Variants in SIAH3 observed in about 807,000 individuals in gnomAD.
SIAH3 encodes siah E3 ubiquitin protein ligase family member 3.
In SIAH3, 9 loss-of-function variants were observed where a neutral mutation model predicts 12.6. The observed-to-expected ratio is 0.72, with a 90% confidence interval of 0.43 to 1.25. SIAH3 has a LOEUF of 1.25. SIAH3 is among the 50% of genes most tolerant of loss of function. SIAH3 has a pLI of 0.00. For missense variants in SIAH3, 390 were observed against 365.4 expected (o/e 1.07, Z -0.55); for synonymous variants, 154 against 151.1 (o/e 1.02, Z -0.14).
chr13:45,787,159 T>A (rs933448085), intron 1 of SIAH3, among the ~76,000 whole-genome samples: 1 of 151,918 alleles, frequency 6.6e-6, no homozygotes, highest in African/African-American at 2.4e-5. Context: ...TGGTGCTAGG[T>A]CAGGTGGATG....
In SIAH3 at chr13:45,783,103, T is replaced by C; in HGVS notation, c.*280A>G. The C allele has an allele frequency of 4.6e-6, 1 of 215,140 alleles. No homozygotes were observed. The highest frequency in any genetic ancestry group is 9.1e-6 in the Non-Finnish European group (1 of 110,238). The allele number at this position is 215,140 out of a possible 1,614,324, so 13.3% of individuals were successfully genotyped here. On this transcript the variant is annotated 3_prime_UTR_variant, in exon 2 of 2. Transcript: ENST00000400405. ...ACTTGGAGGTGACAGGAAAAAACTA[T>C]TCTGAATAAATCTTACAAACATTCT...
chr13:45,823,296 T>A (rs752654701), intron 1 of SIAH3, among the ~76,000 whole-genome samples: 23 of 152,000 alleles, frequency 1.5e-4, no homozygotes, highest in Non-Finnish European at 2.8e-4. Flanking sequence ...ACAGCTGGAG[T>A]TCTGTAAAAG....
intron 1 of SIAH3, among the ~76,000 whole-genome samples, chr13:45,830,124 G>A (rs532540673): frequency 8.1e-4 from 123 of 152,146 alleles, no homozygotes; most frequent in African/African-American, 2.7e-3. Flanking sequence ...TAGAGGGCTC[G>A]GACTCCTTGG....
At chr13:45,816,950 C>A (rs1950636780) in intron 1 of SIAH3, among the ~76,000 whole-genome samples, 1 of 152,130 alleles carries the variant, frequency 6.6e-6, no homozygotes, top group African/African-American at 2.4e-5. Context: ...GGAATTTGCA[C>A]CAGGCAATGG....
chr13:45,808,191 A>C (rs778546570), intron 1 of SIAH3, among the ~76,000 whole-genome samples: 2 of 152,238 alleles, frequency 1.3e-5, no homozygotes, highest in East Asian at 3.8e-4. Context: ...TCTAGAGTAG[A>C]CTGAAGAAAG....
intron 1 of SIAH3, among the ~76,000 whole-genome samples, chr13:45,789,565 C>T (rs574961146): frequency 2.0e-5 from 3 of 152,058 alleles, no homozygotes; most frequent in Non-Finnish European, 4.4e-5. Context: ...TGCTACCATA[C>T]CTGGCTAATT....
chr13:45,809,870 A>G (rs1242745631), intron 1 of SIAH3, among the ~76,000 whole-genome samples: 3 of 152,238 alleles, frequency 2.0e-5, no homozygotes, highest in African/African-American at 7.2e-5. Context: ...ATGTTGTTTC[A>G]AGAATAATGT....
chr13:45,846,368 G>A (rs992469156), intron 1 of SIAH3, among the ~76,000 whole-genome samples: 1 of 152,040 alleles, frequency 6.6e-6, no homozygotes, highest in Admixed American at 6.5e-5. Context: ...GGGATTACAG[G>A]CGTGAGCCAC....
At chr13:45,809,251 C>T (rs1375228246) in intron 1 of SIAH3, among the ~76,000 whole-genome samples, 1 of 152,212 alleles carries the variant, frequency 6.6e-6, no homozygotes, top group African/African-American at 2.4e-5. Context: ...TTTAAATGGA[C>T]TCTGTAAGTT....
intron 1 of SIAH3, among the ~76,000 whole-genome samples, chr13:45,815,781 C>T (rs1251432897): frequency 6.6e-6 from 1 of 152,176 alleles, no homozygotes; most frequent in Non-Finnish European, 1.5e-5. Context: ...ATTCCTGCCC[C>T]AGCCTGAAAT....
chr13:45,789,703 G>A (rs1251183481), intron 1 of SIAH3, among the ~76,000 whole-genome samples: 1 of 152,006 alleles, frequency 6.6e-6, no homozygotes, highest in Non-Finnish European at 1.5e-5. Flanking sequence ...CACCACACCT[G>A]GCCTAAACAT....
chr13:45,845,035 C>A (rs1282969640), intron 1 of SIAH3, among the ~76,000 whole-genome samples: 2 of 152,204 alleles, frequency 1.3e-5, no homozygotes, highest in African/African-American at 4.8e-5. Flanking sequence ...TACAAAAAAT[C>A]TCCCCTGCCA....
At chr13:45,795,144 C>A (rs570352733) in intron 1 of SIAH3, among the ~76,000 whole-genome samples, 1 of 152,258 alleles carries the variant, frequency 6.6e-6, no homozygotes, top group South Asian at 2.1e-4. Context: ...ATGACTCAAA[C>A]CAATAAACCT....
At chr13:45,807,795 G>A (rs1950603178) in intron 1 of SIAH3, among the ~76,000 whole-genome samples, 2 of 152,176 alleles carry the variant, frequency 1.3e-5, no homozygotes, top group South Asian at 4.1e-4. Flanking sequence ...CATTGCATAT[G>A]CCCAGTAGTG....
chr13:45,811,594 C>T (rs1056420752), intron 1 of SIAH3, among the ~76,000 whole-genome samples: 10 of 152,128 alleles, frequency 6.6e-5, no homozygotes, highest in African/African-American at 2.4e-4. Context: ...TCCCAAGTAG[C>T]TGGGACTACA....
intron 1 of SIAH3, among the ~76,000 whole-genome samples, chr13:45,786,586 G>T (rs1950528649): frequency 6.6e-6 from 1 of 152,164 alleles, no homozygotes; most frequent in African/African-American, 2.4e-5. Flanking sequence ...TATCTCAAGG[G>T]CATGTTAGGA....
At position 45,814,209 on chromosome 13, in the gene SIAH3, A is replaced by T. The variant is rs1226185973; in HGVS notation, c.136-30152T>A. On this transcript the variant is annotated intron_variant, in intron 1 of 1. Coordinates refer to ENST00000400405, the MANE Select transcript of SIAH3 (RefSeq NM_198849.3). ...AGCCGAGATGGCACCACTACACTCT[A>T]GCCTGGGTGACTGAGCAAGACTCTG... Among the ~76,000 whole-genome samples, 5 of 139,946 alleles carry T rather than the reference A, an allele frequency of 3.6e-5. No individual in the cohort carries two copies. In the Admixed American group the frequency reaches 3.8e-4, roughly 11 times the overall value. 91.8% of individuals were successfully genotyped at this position (139,946 alleles called of 152,430 possible).
chr13:45,822,994 T>G (rs1442008462), intron 1 of SIAH3, among the ~76,000 whole-genome samples: 2 of 152,066 alleles, frequency 1.3e-5, no homozygotes, highest in Non-Finnish European at 2.9e-5. Flanking sequence ...GCTCTTTGAA[T>G]CCCTCCCTCT....
intron 1 of SIAH3, among the ~76,000 whole-genome samples, chr13:45,814,616 C>T (rs1338554086): frequency 2.6e-5 from 4 of 152,194 alleles, no homozygotes; most frequent in Non-Finnish European, 1.5e-5. Context: ...CTCAGCCCCT[C>T]CCCACAACCC....
Sources: gnomAD v4.1 joint callset for allele counts (sites outside exome capture counted in the v4.1 genomes callset) on GRCh38, gnomAD v4.1.1 for gene constraint, MANE v1.5 for transcripts, NCBI Gene and HGNC (gene_info 2026-07-23, HGNC 2026-07-21) for gene names.